Variants in ACTR3C observed in about 807,000 individuals in gnomAD.
ACTR3C encodes actin-related protein 3C.
Under a neutral mutation model 26.3 loss-of-function variants are expected in ACTR3C, and 18 were observed. The observed-to-expected ratio is 0.68, with a 90% CI of 0.47 to 1.01. The LOEUF (loss-of-function observed/expected upper bound fraction) is 1.01. Ranked by LOEUF, ACTR3C falls within the 50% of genes least tolerant of loss-of-function variation. ACTR3C has a pLI of 0.00. For missense variants in ACTR3C, 184 were observed against 250.7 expected (o/e 0.73, Z 1.80); for synonymous variants, 55 against 94.5 (o/e 0.58, Z 2.42).
the ACTR3C span, among the ~76,000 whole-genome samples, chr7:150,122,061 C>T: frequency 3.0e-3 from 461 of 152,042 alleles, 1 homozygote; most frequent in African/African-American, 0.01. Flanking sequence ...TTCCTTACAC[C>T]TCATACAAAA....
the ACTR3C span, among the ~76,000 whole-genome samples, chr7:150,022,700 T>G: frequency 6.6e-6 from 1 of 152,114 alleles, no homozygotes; most frequent in African/African-American, 2.4e-5. Flanking sequence ...TGTTACTTCA[T>G]GGATAGCTGC....
the ACTR3C span, among the ~76,000 whole-genome samples, chr7:150,104,929 T>G: frequency 6.6e-6 from 1 of 151,930 alleles, no homozygotes; most frequent in African/African-American, 2.4e-5. Context: ...CCTCTCAGAA[T>G]TACCTTTTCT....
At chr7:150,006,374 T>A in the ACTR3C span, among the ~76,000 whole-genome samples, 14 of 149,068 alleles carry the variant, frequency 9.4e-5, no homozygotes, top group Admixed American at 7.4e-4. Context: ...TTTTTTTGTA[T>A]TTTTAGTAGA....
chr7:150,061,664 G>A, the ACTR3C span, among the ~76,000 whole-genome samples: 2 of 30,444 alleles, frequency 6.6e-5, no homozygotes, highest in Admixed American at 3.9e-4. Flanking sequence ...GCATCTTGCA[G>A]GAAAATTCCC....
At chr7:149,959,814 A>T in the ACTR3C span, among the ~76,000 whole-genome samples, 1 of 152,334 alleles carries the variant, frequency 6.6e-6, no homozygotes, top group East Asian at 1.9e-4. Flanking sequence ...AGGGCTTCAT[A>T]AGAATGTCCC....
chr7:150,048,535 T>C, the ACTR3C span, among the ~76,000 whole-genome samples: 5 of 151,920 alleles, frequency 3.3e-5, no homozygotes, highest in Middle Eastern at 3.4e-3. Flanking sequence ...CCGCCGAAGG[T>C]AGTGCTGCGC....
At chr7:149,952,604 T>A in the ACTR3C span, among the ~76,000 whole-genome samples, 130 of 147,512 alleles carry the variant, frequency 8.8e-4, 3 homozygotes, top group African/African-American at 3.2e-3. Flanking sequence ...AATAAATGAA[T>A]AAATGAGTGA....
chr7:150,291,219 T>A (rs1211503962), intron 3 of ACTR3C, among the ~76,000 whole-genome samples: 5 of 152,112 alleles, frequency 3.3e-5, no homozygotes, highest in African/African-American at 1.2e-4. Context: ...TCACCTGAAG[T>A]CGGCAGTTCG....
chr7:150,059,933 A>G, the ACTR3C span, among the ~76,000 whole-genome samples: 1 of 152,252 alleles, frequency 6.6e-6, no homozygotes, highest in African/African-American at 2.4e-5. Flanking sequence ...TAAAGGAAAA[A>G]TGTTCCAGCC....
the ACTR3C span, among the ~76,000 whole-genome samples, chr7:149,885,508 C>A: frequency 1.3e-5 from 2 of 152,242 alleles, no homozygotes; most frequent in Non-Finnish European, 2.9e-5. Context: ...TTTGTGTTCT[C>A]CCCGCAGGCG....
chr7:150,160,747 C>G, the ACTR3C span, among the ~76,000 whole-genome samples: 13 of 151,990 alleles, frequency 8.6e-5, no homozygotes, highest in Non-Finnish European at 1.9e-4. Flanking sequence ...CTCACACCCA[C>G]TCTACCTCCT....
At chr7:150,285,219 T>C (rs549676449) in intron 5 of ACTR3C, among the ~76,000 whole-genome samples, 1 of 152,276 alleles carries the variant, frequency 6.6e-6, no homozygotes, top group Admixed American at 6.5e-5. Context: ...AATATTCGTA[T>C]TATGAGAAAA....
At chr7:149,928,284 G>A in the ACTR3C span, among the ~76,000 whole-genome samples, 2 of 147,350 alleles carry the variant, frequency 1.4e-5, no homozygotes, top group Non-Finnish European at 3.0e-5. Flanking sequence ...TGCAACCTCC[G>A]CCTCCTGGTT....
At chr7:149,914,586 TAAAC>T in the ACTR3C span, among the ~76,000 whole-genome samples, 170 of 118,240 alleles carry the variant, frequency 1.4e-3, 2 homozygotes, top group South Asian at 0.04. Context: ...AATAAATAAA[TAAAC>T]AAACAGAAGT....
the ACTR3C span, among the ~76,000 whole-genome samples, chr7:150,173,095 G>T: frequency 6.7e-6 from 1 of 150,284 alleles, no homozygotes; most frequent in South Asian, 2.1e-4. Context: ...GAGGACAGTG[G>T]CCCTCTTCTC....
At chr7:150,050,079 C>G in the ACTR3C span, among the ~76,000 whole-genome samples, 1 of 152,090 alleles carries the variant, frequency 6.6e-6, no homozygotes, top group African/African-American at 2.4e-5. Context: ...ACCCCCTCCT[C>G]TGCCCCAGCT....
At chr7:149,925,394 G>A in the ACTR3C span, among the ~76,000 whole-genome samples, 2 of 152,122 alleles carry the variant, frequency 1.3e-5, no homozygotes, top group South Asian at 2.1e-4. Flanking sequence ...AACAACAATC[G>A]AAAACACATG....
At chr7:150,323,151 C>T (rs1043222702) in intron 1 of ACTR3C, 16 of 211,572 alleles carry the variant, frequency 7.6e-5, no homozygotes, top group Admixed American at 1.9e-4. Flanking sequence ...GTTGACCTCA[C>T]GGCCCCTTCG....
At chr7:150,178,030 C>T in the ACTR3C span, among the ~76,000 whole-genome samples, 1 of 150,592 alleles carries the variant, frequency 6.6e-6, no homozygotes. Context: ...TGAGACACAA[C>T]AAATTTTATG....
Sources: gnomAD v4.1 joint callset for allele counts (sites outside exome capture counted in the v4.1 genomes callset) on GRCh38, gnomAD v4.1.1 for gene constraint, MANE v1.5 for transcripts, NCBI Gene and HGNC (gene_info 2026-07-23, HGNC 2026-07-21) for gene names.